The following DHRSX variants were observed in gnomAD, a reference collection of about 807,000 sequenced individuals.
The protein encoded by DHRSX is polyprenol dehydrogenase.
A neutral mutation model predicts 34.0 loss-of-function variants in DHRSX; 31 were observed. That is an observed-to-expected ratio of 0.91 (90% CI 0.69 to 1.23). The LOEUF (loss-of-function observed/expected upper bound fraction) is 1.23, where lower values mean the gene tolerates loss of function less well. Among genes scored for constraint, DHRSX ranks in the 50% most tolerant of loss-of-function variants. The pLI, the probability that DHRSX is intolerant of heterozygous loss-of-function variation, is 0.00. For missense variants in DHRSX, 414 were observed against 428.1 expected (o/e 0.97, Z 0.29); for synonymous variants, 201 against 183.8 (o/e 1.09, Z -0.76).
intron 3 of DHRSX, among the ~76,000 whole-genome samples, chrX:2,343,436 C>CAGG: frequency 1.3e-5 from 2 of 152,328 alleles, no homozygotes; most frequent in Non-Finnish European, 2.9e-5. Context: ...ATCATGCCTA[C>CAGG]AGGAGCCAGA....
At chrX:2,474,800 T>C (rs781648361) in intron 1 of DHRSX, among the ~76,000 whole-genome samples, 30,759 of 149,898 alleles carry the variant, frequency 0.21, 4,176 homozygotes, top group African/African-American at 0.39. Context: ...GCCAAGAGAC[T>C]GCCACCATAT....
chrX:2,285,588 C>T (rs151056012), intron 4 of DHRSX, among the ~76,000 whole-genome samples: 4,474 of 152,110 alleles, frequency 0.029, 230 homozygotes, highest in African/African-American at 0.1. Context: ...TTCTGCTGTG[C>T]GGCCGGTGTC....
At chrX:2,221,602 A>G (rs1233802311) in intron 6 of DHRSX, among the ~76,000 whole-genome samples, 1 of 152,178 alleles carries the variant, frequency 6.6e-6, no homozygotes, top group African/African-American at 2.4e-5. Flanking sequence ...GTATTTAATA[A>G]ACAATATTTA....
At chrX:2,335,760 CTT>C (rs994412840) in intron 3 of DHRSX, among the ~76,000 whole-genome samples, 56 of 151,240 alleles carry the variant, frequency 3.7e-4, no homozygotes, top group Non-Finnish European at 6.0e-4. Flanking sequence ...CCAGGAGTAA[CTT>C]TGAATAAAAC....
At chrX:2,300,539 A>T (rs1342969188) in intron 3 of DHRSX, among the ~76,000 whole-genome samples, 3 of 152,190 alleles carry the variant, frequency 2.0e-5, no homozygotes, top group Admixed American at 2.0e-4. Context: ...CCATCTAATC[A>T]GCTGCCAGCA....
intron 1 of DHRSX, chrX:2,486,320 A>C (rs2044927124): frequency 2.6e-5 from 4 of 152,160 alleles, no homozygotes; most frequent in Admixed American, 2.6e-4. Flanking sequence ...AACAAGGACC[A>C]CAACAAAAAT....
intron 6 of DHRSX, among the ~76,000 whole-genome samples, chrX:2,230,887 G>C (rs1442375472): frequency 3.9e-5 from 6 of 152,122 alleles, no homozygotes; most frequent in African/African-American, 1.4e-4. Flanking sequence ...TCTATGCATA[G>C]ATCCTATTGG....
chrX:2,272,710 G>C (rs1486607976), intron 4 of DHRSX, among the ~76,000 whole-genome samples: 4 of 152,062 alleles, frequency 2.6e-5, no homozygotes, highest in Admixed American at 2.6e-4. Context: ...GTGACAGGCT[G>C]TACCAGCTTC....
At chrX:2,309,609 G>C (rs1429505359) in intron 3 of DHRSX, among the ~76,000 whole-genome samples, 2 of 152,026 alleles carry the variant, frequency 1.3e-5, no homozygotes, top group Non-Finnish European at 2.9e-5. Flanking sequence ...AACCCAACTG[G>C]GCTAATTTGA....
chrX:2,370,729 G>A lies in DHRSX; in HGVS notation c.286+38016C>T, dbSNP rs1028764276. On this transcript the variant is annotated intron_variant, in intron 3 of 6. Transcript: ENST00000334651. ...ATGGACTGAATTCCTCGTCTTCCTT[G>A]ACCTGAACAAAATTCCCATCTAACG... Among the ~76,000 whole-genome samples, 6 of 151,938 alleles carry A rather than the reference G, an allele frequency of 3.9e-5. No individual in the cohort carries two copies. The East Asian group carries it at 9.7e-4, about 25-fold the overall frequency.
At chrX:2,397,416 G>C (rs1347634719) in intron 3 of DHRSX, among the ~76,000 whole-genome samples, 1 of 152,164 alleles carries the variant, frequency 6.6e-6, no homozygotes, top group Non-Finnish European at 1.5e-5. Flanking sequence ...TTCCAAGCGT[G>C]AGCCACCGGG....
At chrX:2,300,609 T>C (rs1473976742) in intron 3 of DHRSX, among the ~76,000 whole-genome samples, 1 of 152,174 alleles carries the variant, frequency 6.6e-6, no homozygotes, top group Non-Finnish European at 1.5e-5. Flanking sequence ...TAGCCTCCCA[T>C]GCTACAGCTT....
chrX:2,443,187 T>C lies in DHRSX; in HGVS notation c.110-17883A>G, dbSNP rs186131482. Among the ~76,000 whole-genome samples the C allele has an allele frequency of 5.3e-5, 8 of 152,074 alleles. No homozygotes were observed. The East Asian group carries it at 1.6e-3, about 29-fold the overall frequency. ...AGCTGGGAGCAGATGCACACCACCA[T>C]GTCCAGCTAATTTTTTTTAAATTTT... On this transcript the variant is annotated intron_variant, in intron 1 of 6. Transcript: ENST00000334651.
At chrX:2,447,339 G>A (rs1167388747) in intron 1 of DHRSX, among the ~76,000 whole-genome samples, 1 of 151,964 alleles carries the variant, frequency 6.6e-6, no homozygotes, top group Non-Finnish European at 1.5e-5. Context: ...CTGCTGCCAT[G>A]TACACACTGA....
intron 1 of DHRSX, among the ~76,000 whole-genome samples, chrX:2,447,926 G>A (rs1486157003): frequency 1.3e-5 from 2 of 149,526 alleles, no homozygotes; most frequent in African/African-American, 5.0e-5. Context: ...CAGGAGCGGT[G>A]GCTTATGTCC....
At chrX:2,366,105 T>C (rs1265226829) in intron 3 of DHRSX, among the ~76,000 whole-genome samples, 3 of 152,104 alleles carry the variant, frequency 2.0e-5, no homozygotes, top group African/African-American at 7.2e-5. Flanking sequence ...AGGAAACTGC[T>C]CATACCCCTA....
At chrX:2,274,585 CT>C (rs35716727) in intron 4 of DHRSX, among the ~76,000 whole-genome samples, 8,220 of 129,048 alleles carry the variant, frequency 0.064, 427 homozygotes, top group African/African-American at 0.16. Context: ...CCCGGCTAAA[CT>C]TTTTTTTTTT....
chrX:2,352,817 A>G (rs1244106718), intron 3 of DHRSX, among the ~76,000 whole-genome samples: 1 of 152,214 alleles, frequency 6.6e-6, no homozygotes, highest in Non-Finnish European at 1.5e-5. Flanking sequence ...TATAGGGACC[A>G]GCATGGGCAT....
chrX:2,260,212 A>G (rs192305341), intron 5 of DHRSX, among the ~76,000 whole-genome samples: 68 of 151,456 alleles, frequency 4.5e-4, no homozygotes, highest in African/African-American at 1.4e-3. Context: ...CCCTTCTTAT[A>G]TGTAGAGTGG....
Sources: gnomAD v4.1 joint callset for allele counts (sites outside exome capture counted in the v4.1 genomes callset) on GRCh38, gnomAD v4.1.1 for gene constraint, MANE v1.5 for transcripts, NCBI Gene and HGNC (gene_info 2026-07-23, HGNC 2026-07-21) for gene names.